The following ACSF3 variants were observed in gnomAD, a reference collection of about 807,000 sequenced individuals.
The protein encoded by ACSF3 is acyl-CoA synthetase family member 3.
A neutral mutation model predicts 53.2 loss-of-function variants in ACSF3; 78 were observed. The observed-to-expected ratio is 1.47, with a 90% CI of 1.22 to 1.77. The LOEUF is 1.77. ACSF3 is among the 40% of genes most tolerant of loss of function. ACSF3 has a pLI of 0.00. For missense variants in ACSF3, 937 were observed against 771.1 expected, an observed-to-expected ratio of 1.22 and a Z score of -2.55; for synonymous variants, 414 against 333.1, an observed-to-expected ratio of 1.24 and a Z score of -2.65.
At chr16:89,126,303 C>CT (rs1908090768) in intron 7 of ACSF3, among the ~76,000 whole-genome samples, 2 of 152,142 alleles carry the variant, frequency 1.3e-5, no homozygotes, top group South Asian at 4.2e-4. Context: ...GAATCTTGTC[C>CT]TTTCGCCCAG....
chr16:89,100,014 G>A (rs1597882893), intron 2 of ACSF3, among the ~76,000 whole-genome samples: 1 of 147,660 alleles, frequency 6.8e-6, no homozygotes, highest in Non-Finnish European at 1.5e-5. Flanking sequence ...GGTATCACAT[G>A]CTTGTGGGCC....
intron 10 of ACSF3, chr16:89,151,148 A>G (rs1567754677): frequency 1.3e-6 from 1 of 790,740 alleles, no homozygotes. Flanking sequence ...GGGCTGCTGT[A>G]TCCAGTGAAG....
At chr16:89,138,688 G>A (rs1911116695) in intron 8 of ACSF3, among the ~76,000 whole-genome samples, 1 of 152,190 alleles carries the variant, frequency 6.6e-6, no homozygotes, top group Admixed American at 6.5e-5. Flanking sequence ...GCCTGCAGGT[G>A]CCAAGCTGAC....
chr16:89,125,400 C>T (rs542984167), intron 7 of ACSF3, among the ~76,000 whole-genome samples: 6 of 149,970 alleles, frequency 4.0e-5, no homozygotes, highest in Middle Eastern at 3.5e-3. Flanking sequence ...CTTTTGAGGT[C>T]TTGAATGGAA....
At chr16:89,133,408 A>C in intron 8 of ACSF3, 146 bp downstream of exon 8, 1 of 1,145,706 alleles carries the variant, frequency 8.7e-7, no homozygotes, top group Non-Finnish European at 1.3e-6. Flanking sequence ...GCTGGGGGCC[A>C]CTGTTACGGC....
intron 6 of ACSF3, among the ~76,000 whole-genome samples, chr16:89,115,791 A>T (rs557252103): frequency 6.6e-6 from 1 of 152,320 alleles, no homozygotes; most frequent in South Asian, 2.1e-4. Context: ...TGATTCTCTC[A>T]TGATGGGTGG....
chr16:89,120,005 GC>G lies in ACSF3; in HGVS notation c.1127-792del, dbSNP rs1166839905. Among the ~76,000 whole-genome samples, 3 of 152,372 alleles carry G rather than the reference GC, an allele frequency of 2.0e-5. No homozygotes were observed. The East Asian group carries it at 5.8e-4, about 29-fold the overall frequency. On this transcript the variant is annotated intron_variant, in intron 6 of 10. Coordinates refer to ENST00000614302, the MANE Select transcript of ACSF3 (RefSeq NM_001243279.3). ...AGACAGGAAGTCCCACGTCTGCTCT[GC>G]CCCTAGGTCATGCCCGTGCTGACGC...
At chr16:89,108,482 A>G (rs1318826335) in intron 4 of ACSF3, among the ~76,000 whole-genome samples, 2 of 152,208 alleles carry the variant, frequency 1.3e-5, no homozygotes, top group East Asian at 1.9e-4. Context: ...CAGTTCACAC[A>G]CCGCAAAATT....
chr16:89,097,485 G>T (rs1248540728), intron 1 of ACSF3, among the ~76,000 whole-genome samples: 2 of 152,246 alleles, frequency 1.3e-5, no homozygotes. Flanking sequence ...CCTCGGGGCC[G>T]TAACCCAGAG....
At position 89,100,520 on chromosome 16, in the gene ACSF3, G is replaced by A; in HGVS notation, c.-20-142G>A. 7.5e-6 allele frequency: 6 copies of A among 795,130 alleles called. No homozygotes were observed. In the South Asian group the frequency reaches 1.0e-4, roughly 13 times the overall value. The allele number at this position is 795,130 out of a possible 1,614,324, so 49.3% of individuals were successfully genotyped here. A position where few individuals can be genotyped will look rare whatever the true frequency, so the allele number is the denominator to read the frequency against. ...AGTGTGGGTGAGAAAGGCTGGACGT[G>A]GCCTGTCTGGTGCGCTGCCTCATGA... On this transcript the variant is annotated intron_variant, in intron 2 of 10. Coordinates refer to ENST00000614302, the MANE Select transcript of ACSF3 (RefSeq NM_001243279.3).
At chr16:89,121,858 G>A (rs1298396406) in intron 7 of ACSF3, among the ~76,000 whole-genome samples, 2 of 152,228 alleles carry the variant, frequency 1.3e-5, no homozygotes, top group Non-Finnish European at 2.9e-5. Flanking sequence ...AGCGATGGTC[G>A]TGGTTGGACG....
intron 8 of ACSF3, among the ~76,000 whole-genome samples, chr16:89,142,467 CCTG>C (rs1248633986): frequency 2.0e-4 from 31 of 152,166 alleles, no homozygotes; most frequent in Admixed American, 2.0e-3. Context: ...CACACCCACA[CCTG>C]CTGAGATATA....
rs756223488 is a variant in ACSF3 at position 89,120,903 on chromosome 16, G to C, written c.1229G>C (p.Arg410Thr). The change falls in exon 7 of 11, where the codon AGG (arginine) becomes ACG (threonine). Residue 410 changes from arginine to threonine, a missense_variant. Transcript: ENST00000614302. Reference sequence around the variant, plus strand: ...ACCATCCACGCAGAGGGAGACGAGAGGGGGACCAAGGTAAGCCACTCTGCT... The same window carrying C: ...ACCATCCACGCAGAGGGAGACGAGACGGGGACCAAGGTAAGCCACTCTGCT... ...SYTIHAEGDE[R>T]GTKVTPGFEE... 9.3e-6 allele frequency: 15 copies of C among 1,613,844 alleles called. No individual in the cohort carries two copies. The highest frequency in any genetic ancestry group is 1.7e-5 in the Admixed American group (1 of 60,030).
intron 4 of ACSF3, among the ~76,000 whole-genome samples, chr16:89,105,102 C>T (rs12446122): frequency 0.032 from 785 of 24,550 alleles, no homozygotes; most frequent in Non-Finnish European, 0.045. Context: ...CAGGGTCACC[C>T]CCTGAAGAGC....
At chr16:89,127,254 CTCT>C (rs796404909) in intron 7 of ACSF3, among the ~76,000 whole-genome samples, 46 of 151,936 alleles carry the variant, frequency 3.0e-4, no homozygotes, top group African/African-American at 1.1e-3. Context: ...GTGTTCTCTC[CTCT>C]TTTTTTTTCT....
intron 9 of ACSF3, among the ~76,000 whole-genome samples, 166 bp downstream of exon 9, chr16:89,145,567 G>T (rs565954686): frequency 1.3e-5 from 2 of 152,344 alleles, no homozygotes; most frequent in South Asian, 4.1e-4. Flanking sequence ...TGGGGCTAGT[G>T]GGGGTGCAGC....
At chr16:89,115,830 T>C (rs1037211261) in intron 6 of ACSF3, among the ~76,000 whole-genome samples, 17 of 152,232 alleles carry the variant, frequency 1.1e-4, no homozygotes, top group African/African-American at 4.1e-4. Context: ...GTTCGTGTCA[T>C]TCCGTTTTCA....
rs1226675782 is a variant in ACSF3, at chr16:89,145,109, G to C, written c.1367-158G>C. The C allele has an allele frequency of 5.1e-6, 8 of 1,579,986 alleles. No homozygotes were observed. In the South Asian group the frequency reaches 6.9e-5, roughly 14 times the overall value. ...GAATGTGGGCTTACCTGGCATAGCT[G>C]TTTCTCCGTTGGGGTTGCCACAGGG... On this transcript the variant is annotated intron_variant, in intron 8 of 10. Coordinates refer to ENST00000614302, the MANE Select transcript of ACSF3 (RefSeq NM_001243279.3).
At chr16:89,125,568 G>T (rs1907837057) in intron 7 of ACSF3, among the ~76,000 whole-genome samples, 1 of 152,004 alleles carries the variant, frequency 6.6e-6, no homozygotes, top group African/African-American at 2.4e-5. Context: ...GCACACGCCT[G>T]TAATCCCAGC....
Sources: allele counts gnomAD v4.1 joint callset (sites outside exome capture counted in the v4.1 genomes callset), GRCh38; gene constraint gnomAD v4.1.1; transcripts MANE v1.5; gene names NCBI Gene and HGNC (gene_info 2026-07-23, HGNC 2026-07-21).